The following PIGF variants were observed in gnomAD, a reference collection of about 807,000 sequenced individuals.
PIGF encodes GPI ethanolamine phosphate transferase, stabilizing subunit.
A neutral mutation model predicts 26.0 loss-of-function variants in PIGF; 23 were observed. The ratio of observed to expected loss-of-function variants is 0.88; its 90% CI spans 0.64 to 1.25. PIGF has a LOEUF of 1.25. Ranked by LOEUF, PIGF falls within the 50% of genes most tolerant of loss-of-function variation. The pLI is 0.00. For synonymous variants in PIGF, 93 were observed against 92.6 expected, an observed-to-expected ratio of 1.00 and a Z score of -0.03; for missense variants, 278 against 249.9, an observed-to-expected ratio of 1.11 and a Z score of -0.76.
intron 4 of PIGF, among the ~76,000 whole-genome samples, chr2:46,600,010 C>G (rs893960526): frequency 6.6e-6 from 1 of 152,120 alleles, no homozygotes; most frequent in Admixed American, 6.6e-5. Flanking sequence ...GGTAGGGAGG[C>G]TGGGTAAGAT....
rs747263045 is a variant in PIGF at position 46,598,529 on chromosome 2, A to ATTTTTTTTTTTTTTTTTTTTTTTTTTTT, written c.438-5947_438-5946insAAAAAAAAAAAAAAAAAAAAAAAAAAAA. 6.8e-5 allele frequency among the ~76,000 whole-genome samples: 7 copies of ATTTTTTTTTTTTTTTTTTTTTTTTTTTT among 103,508 alleles called. 1 individual carries two copies. The highest frequency in any genetic ancestry group is 2.7e-4 in the African/African-American group (6 of 22,402). 67.9% of individuals were successfully genotyped at this position (103,508 alleles called of 152,430 possible). A position where few individuals can be genotyped will look rare whatever the true frequency, so the allele number is the denominator to read the frequency against. On this transcript the variant is annotated intron_variant, in intron 4 of 5. Transcript: ENST00000281382. ...ATAAACTTTCTTAAAACATTATGAGATTTTTTTTTTTTTTTTTTTTTTTTA... is the reference window on the plus strand; with the variant it reads ...ATAAACTTTCTTAAAACATTATGAGATTTTTTTTTTTTTTTTTTTTTTTTTTTTTTTTTTTTTTTTTTTTTTTTTTTTA...
At chr2:46,613,913 T>G in intron 2 of PIGF, 128 bp from the exon 3 acceptor site, 2 of 745,004 alleles carry the variant, frequency 2.7e-6, no homozygotes, top group Non-Finnish European at 4.4e-6. Context: ...TTGGGTATAC[T>G]CAAATCAGAT....
At chr2:46,595,765 G>A (rs1669863223) in intron 4 of PIGF, among the ~76,000 whole-genome samples, 1 of 152,102 alleles carries the variant, frequency 6.6e-6, no homozygotes, top group African/African-American at 2.4e-5. Flanking sequence ...CCTGACACTT[G>A]TCATTATCTT....
At chr2:46,614,286 A>T (rs977713769) in intron 2 of PIGF, 1 of 152,752 alleles carries the variant, frequency 6.5e-6, no homozygotes, top group African/African-American at 2.4e-5. Flanking sequence ...AGACCTGAAC[A>T]TCTACAAAGA....
chr2:46,605,845 C>G (rs942750600), intron 4 of PIGF, among the ~76,000 whole-genome samples: 1 of 152,124 alleles, frequency 6.6e-6, no homozygotes, highest in Admixed American at 6.5e-5. Flanking sequence ...GAGTATCTCA[C>G]TAGATTGCTC....
Position 46,588,402 on chromosome 2 carries a change from T to G in PIGF, c.546+4073A>C. The G allele has an allele frequency of 2.1e-6, 1 of 466,648 alleles. No individual in the cohort carries two copies. Among genetic ancestry groups the G allele is most frequent in the Non-Finnish European group, 3.7e-6 (1 of 270,300 alleles). The allele number at this position is 466,648 out of a possible 1,614,324, so 28.9% of individuals were successfully genotyped here. A position where few individuals can be genotyped will look rare whatever the true frequency, so the allele number is the denominator to read the frequency against. Reference sequence around the variant, plus strand: ...CATTTTTTGAAGGCTAAAAATATAGTCATTAAACTATGTCTTTTCTAGGTC... The same window carrying G: ...CATTTTTTGAAGGCTAAAAATATAGGCATTAAACTATGTCTTTTCTAGGTC... On this transcript the variant is annotated intron_variant, in intron 5 of 5. Coordinates refer to ENST00000281382, the MANE Select transcript of PIGF (RefSeq NM_002643.4). This position sits in a 1 kb window ranked among gnomAD's most constrained non-coding sequence, Gnocchi z 4.1.
At chr2:46,596,928 T>C (rs1010611620) in intron 4 of PIGF, among the ~76,000 whole-genome samples, 1 of 152,230 alleles carries the variant, frequency 6.6e-6, no homozygotes, top group African/African-American at 2.4e-5. Context: ...TTTCTCATAG[T>C]AAATATAATC....
chr2:46,597,045 C>T (rs552161756), intron 4 of PIGF, among the ~76,000 whole-genome samples: 5 of 152,248 alleles, frequency 3.3e-5, no homozygotes, highest in Admixed American at 1.3e-4. Context: ...TAAGTAGTAC[C>T]TCTAAATGCT....
In PIGF at chr2:46,613,776, A is replaced by G. The variant is rs1670504778; in HGVS notation, c.238T>C (p.Phe80Leu). ...AGAAAGTAGATACAGCATTTCAAAA[A>G]TCCAGTTACCTAAAAGAGAAATGAA... is the stretch of plus-strand genomic sequence containing the variant. ...RSSLSHKVTG[F>L]LKCCIYFLMS... Residue 80 changes from phenylalanine (F) to leucine (L), a missense_variant, in exon 3 of 6, where the codon TTT becomes CTT. By Grantham distance (22) the Phe-to-Leu change is conservative. Transcript: ENST00000281382. 1.9e-6 allele frequency: 3 copies of G among 1,549,660 alleles called. No homozygotes were observed. The highest frequency in any genetic ancestry group is 2.6e-6 in the Non-Finnish European group (3 of 1,133,052).
At chr2:46,602,446 T>G (rs777091722) in intron 4 of PIGF, among the ~76,000 whole-genome samples, 5 of 151,914 alleles carry the variant, frequency 3.3e-5, no homozygotes, top group African/African-American at 1.2e-4. Flanking sequence ...CTTATTTCAC[T>G]TAAAAATATT....
chr2:46,581,138 A>C lies in PIGF; in HGVS notation c.*340T>G. ...CCATTTCTCTCAGAAAGCAAATGAA[A>C]TGCTACAGCTATACCCAGACCTTTT... On this transcript the variant is annotated 3_prime_UTR_variant, in exon 6 of 6. Transcript: ENST00000281382. The C allele has an allele frequency of 7.3e-7, 1 of 1,376,494 alleles. No individual in the cohort carries two copies. Among genetic ancestry groups the C allele is most frequent in the South Asian group, 1.5e-5 (1 of 67,178 alleles). The allele number at this position is 1,376,494 out of a possible 1,614,324, so 85.3% of individuals were successfully genotyped here.
chr2:46,602,984 TA>T (rs1670107055), intron 4 of PIGF, among the ~76,000 whole-genome samples: 2 of 151,938 alleles, frequency 1.3e-5, no homozygotes, highest in South Asian at 4.1e-4. Flanking sequence ...TACCAAAAAC[TA>T]TTAGAACTGA....
chr2:46,592,578 G>A lies in PIGF; in HGVS notation c.443C>T (p.Thr148Ile). The change falls in exon 5 of 6, where the codon ACA becomes ATA. Residue 148 changes from threonine (T) to isoleucine (I), a missense_variant. Coordinates refer to ENST00000281382, the MANE Select transcript of PIGF (RefSeq NM_002643.4). ...WLRVFSRNGV[T>I]SIWENSLQIT... The stretch of plus-strand genomic sequence containing the variant: ...CTGGAGACTATTCTCCCATATGGAT[G>A]TAACTCTGTGAAACACAAATTGGTA... 4 of 1,557,032 alleles carry A rather than the reference G, an allele frequency of 2.6e-6. No individual in the cohort carries two copies. Among genetic ancestry groups the A allele is most frequent in the Non-Finnish European group, 3.5e-6 (4 of 1,127,854 alleles).
intron 4 of PIGF, among the ~76,000 whole-genome samples, chr2:46,607,338 C>G (rs1162137475): frequency 1.3e-5 from 2 of 152,094 alleles, no homozygotes; most frequent in Non-Finnish European, 2.9e-5. Flanking sequence ...GAAACCTTTT[C>G]CAAGGAAAAG....
At chr2:46,595,039 C>T (rs1669840424) in intron 4 of PIGF, among the ~76,000 whole-genome samples, 1 of 151,834 alleles carries the variant, frequency 6.6e-6, no homozygotes, top group Admixed American at 6.6e-5. Flanking sequence ...GGGGTTTCAC[C>T]ATTTTGGTCA....
At chr2:46,583,516 T>G (rs1669472070) in intron 5 of PIGF, among the ~76,000 whole-genome samples, 1 of 152,198 alleles carries the variant, frequency 6.6e-6, no homozygotes, top group Admixed American at 6.5e-5. Flanking sequence ...GGTACTCTAC[T>G]GACCTTGATG....
chr2:46,581,786 A>G, intron 5 of PIGF, 195 bp from the exon 6 acceptor site: 1 of 683,514 alleles, frequency 1.5e-6, no homozygotes, highest in African/African-American at 1.9e-5. Flanking sequence ...TTAAACTGTA[A>G]CAAGGCTTCT....
At chr2:46,610,061 T>G (rs1446420717) in intron 4 of PIGF, among the ~76,000 whole-genome samples, 2 of 152,220 alleles carry the variant, frequency 1.3e-5, no homozygotes, top group Non-Finnish European at 2.9e-5. Flanking sequence ...GGTATGCCTG[T>G]ATTTTGTAAC....
intron 5 of PIGF, 24 bp downstream of exon 5, chr2:46,592,451 T>C: frequency 9.1e-7 from 1 of 1,101,406 alleles, no homozygotes; most frequent in Non-Finnish European, 1.4e-6. Context: ...ATTTATTTTG[T>C]TGCTTTAAGT....
Sources: allele counts gnomAD v4.1 joint callset (sites outside exome capture counted in the v4.1 genomes callset), GRCh38; gene constraint gnomAD v4.1.1; non-coding constraint Gnocchi (gnomAD v3.1); transcripts MANE v1.5; gene names NCBI Gene and HGNC (gene_info 2026-07-23, HGNC 2026-07-21).